Variants in KLHL3 observed in about 807,000 individuals in gnomAD.
KLHL3 encodes the protein kelch-like protein 3.
A neutral mutation model predicts 70.5 loss-of-function variants in KLHL3; 19 were observed. The ratio of observed to expected loss-of-function variants is 0.27; its 90% CI spans 0.19 to 0.40. KLHL3 has a LOEUF of 0.40. Among genes scored for constraint, KLHL3 ranks in the 10% least tolerant of loss-of-function variants. KLHL3 has a pLI of 1.00. For missense variants in KLHL3, 512 were observed against 771.1 expected, an observed-to-expected ratio of 0.66 and a Z score of 3.98; for synonymous variants, 258 against 290.3, an observed-to-expected ratio of 0.89 and a Z score of 1.13.
chr5:137,726,979 C>T (rs1395308823), intron 1 of KLHL3, among the ~76,000 whole-genome samples: 1 of 152,102 alleles, frequency 6.6e-6, no homozygotes, highest in Non-Finnish European at 1.5e-5. Flanking sequence ...TCTTTTAGCA[C>T]AGCACCTTCC....
chr5:137,662,114 A>AG (rs1554092410), intron 6 of KLHL3, 83 bp from the exon 7 acceptor site: 15,401 of 504,554 alleles, frequency 0.031, 1 homozygote, highest in East Asian at 0.059. Context: ...AAAAAAAAAA[A>AG]AGAGAGAGAG....
intron 6 of KLHL3, among the ~76,000 whole-genome samples, chr5:137,666,438 T>C (rs1479881220): frequency 6.6e-6 from 1 of 152,142 alleles, no homozygotes; most frequent in African/African-American, 2.4e-5. Context: ...GCACGCCATC[T>C]CCCAATGCTG....
chr5:137,632,572 A>G (rs980818515), intron 12 of KLHL3, among the ~76,000 whole-genome samples: 2 of 152,210 alleles, frequency 1.3e-5, no homozygotes, highest in Non-Finnish European at 2.9e-5. Flanking sequence ...AAACCTAGAA[A>G]AAACTCTTCT....
At chr5:137,652,815 G>C (rs1216888436) in intron 8 of KLHL3, among the ~76,000 whole-genome samples, 2 of 151,966 alleles carry the variant, frequency 1.3e-5, no homozygotes, top group East Asian at 3.8e-4. Flanking sequence ...GATTTTAAGT[G>C]TTCTTACCAC....
chr5:137,686,642 AGAGT>A (rs1752172421), intron 5 of KLHL3, among the ~76,000 whole-genome samples: 1 of 152,234 alleles, frequency 6.6e-6, no homozygotes, highest in African/African-American at 2.4e-5. Flanking sequence ...CACTTACAGT[AGAGT>A]GAGGTCACAG....
intron 1 of KLHL3, among the ~76,000 whole-genome samples, chr5:137,722,769 T>C (rs1237453851): frequency 1.3e-5 from 2 of 152,144 alleles, no homozygotes; most frequent in Non-Finnish European, 2.9e-5. Context: ...TGGGTTCAAG[T>C]GATTCTCGTG....
intron 8 of KLHL3, among the ~76,000 whole-genome samples, chr5:137,648,155 C>T (rs1382443539): frequency 6.6e-6 from 1 of 152,206 alleles, no homozygotes; most frequent in Non-Finnish European, 1.5e-5. Context: ...GTAAGTACCA[C>T]TAATTCTAGG....
intron 3 of KLHL3, among the ~76,000 whole-genome samples, chr5:137,699,090 C>G (rs141149932): frequency 6.6e-6 from 1 of 152,076 alleles, no homozygotes; most frequent in African/African-American, 2.4e-5. Flanking sequence ...GTAACCACTA[C>G]GCTATACTAA....
intron 6 of KLHL3, among the ~76,000 whole-genome samples, chr5:137,669,323 T>A (rs535442507): frequency 6.6e-6 from 1 of 152,256 alleles, no homozygotes; most frequent in African/African-American, 2.4e-5. Flanking sequence ...TTTTGATCTG[T>A]TTGCCAATGT....
chr5:137,644,890 T>C (rs1285344758), intron 8 of KLHL3, among the ~76,000 whole-genome samples: 1 of 152,156 alleles, frequency 6.6e-6, no homozygotes, highest in Non-Finnish European at 1.5e-5. Flanking sequence ...ATATCCATGA[T>C]GAACACAGAT....
At chr5:137,641,691 C>T (rs566891198) in intron 8 of KLHL3, among the ~76,000 whole-genome samples, 2 of 152,238 alleles carry the variant, frequency 1.3e-5, no homozygotes, top group South Asian at 4.1e-4. Context: ...ACCATTTATT[C>T]CCCAATATTC....
intron 4 of KLHL3, among the ~76,000 whole-genome samples, chr5:137,693,435 G>A (rs988364964): frequency 6.6e-6 from 1 of 152,058 alleles, no homozygotes; most frequent in Non-Finnish European, 1.5e-5. Flanking sequence ...CAGGCCCGCT[G>A]GGTGCTCAGA....
rs891109173 is a variant in KLHL3 at position 137,639,393 on chromosome 5, G to A, written c.1022-243C>T. Among the ~76,000 whole-genome samples, 4 of 152,120 alleles carry A rather than the reference G, an allele frequency of 2.6e-5. No individual in the cohort carries two copies. The highest frequency in any genetic ancestry group is 7.2e-5 in the African/African-American group (3 of 41,420). ...AAGCTCATAAGAACTGACCCCAAAA[G>A]AGCCAAAAACTGTGCAAGTGGCCGG... On this transcript the variant is annotated intron_variant, in intron 9 of 14. Coordinates refer to ENST00000309755, the MANE Select transcript of KLHL3 (RefSeq NM_017415.3). The surrounding 1 kb of genome is among the most constrained non-coding windows in gnomAD (Gnocchi z 5.0).
At chr5:137,715,373 C>A (rs946563635) in intron 2 of KLHL3, among the ~76,000 whole-genome samples, 4 of 152,142 alleles carry the variant, frequency 2.6e-5, no homozygotes, top group African/African-American at 9.7e-5. Flanking sequence ...TTAGCTTAAC[C>A]CCTGGATGGC....
chr5:137,707,374 A>G lies in KLHL3; in HGVS notation c.241+2376T>C, dbSNP rs142045100. On this transcript the variant is annotated intron_variant, in intron 3 of 14. Coordinates refer to ENST00000309755, the MANE Select transcript of KLHL3 (RefSeq NM_017415.3). ...CTTGAACCCAGGAGGCGAAGGTGGC[A>G]GTGAGTTGAGGCTGCACCACTATAC... is the stretch of plus-strand genomic sequence containing the variant. Among the ~76,000 whole-genome samples the G allele has an allele frequency of 3.9e-5, 6 of 152,320 alleles. No homozygotes were observed. The East Asian group carries it at 1.2e-3, about 29-fold the overall frequency.
At chr5:137,648,892 G>A (rs1751128391) in intron 8 of KLHL3, among the ~76,000 whole-genome samples, 1 of 152,142 alleles carries the variant, frequency 6.6e-6, no homozygotes, top group Admixed American at 6.5e-5. Context: ...TCCTATGCCT[G>A]CTTCTCCAAC....
At chr5:137,626,156 C>G (rs1277717667) in intron 13 of KLHL3, among the ~76,000 whole-genome samples, 1 of 152,080 alleles carries the variant, frequency 6.6e-6, no homozygotes. Flanking sequence ...GTGTATGCCC[C>G]CCGCCACACA....
At chr5:137,682,511 A>T (rs1480458681) in intron 5 of KLHL3, among the ~76,000 whole-genome samples, 1 of 151,800 alleles carries the variant, frequency 6.6e-6, no homozygotes, top group Non-Finnish European at 1.5e-5. Flanking sequence ...TAAATTCCTA[A>T]CTTCTTGGCA....
chr5:137,696,520 A>C (rs927445220), intron 4 of KLHL3, among the ~76,000 whole-genome samples: 96 of 152,396 alleles, frequency 6.3e-4, no homozygotes, highest in African/African-American at 2.2e-3. Context: ...CAAATGAGAA[A>C]AATTTAAAGC....
Sources: allele counts gnomAD v4.1 joint callset (sites outside exome capture counted in the v4.1 genomes callset), GRCh38; gene constraint gnomAD v4.1.1; non-coding constraint Gnocchi (gnomAD v3.1); transcripts MANE v1.5; gene names NCBI Gene and HGNC (gene_info 2026-07-23, HGNC 2026-07-21).